Variants in VPS35 observed in about 807,000 individuals in gnomAD.
The protein encoded by VPS35 is vacuolar protein sorting-associated protein 35.
In VPS35, 21 loss-of-function variants were observed where a neutral mutation model predicts 98.1. The ratio of observed to expected loss-of-function variants is 0.21; its 90% CI spans 0.15 to 0.31. VPS35 has a LOEUF of 0.31. Among genes scored for constraint, VPS35 ranks in the 10% least tolerant of loss-of-function variants. VPS35 has a pLI of 1.00. For synonymous variants in VPS35, 268 were observed against 318.2 expected (o/e 0.84, Z 1.68); for missense variants, 554 against 950.8 (o/e 0.58, Z 5.49).
In VPS35 at chr16:46,676,014, G is replaced by A. The variant is rs1308970784; in HGVS notation, c.914+569C>T. Reference sequence around the variant, plus strand: ...TAGGAGTCAGAGGTTGCAGTGAGCCGAGACAGCGTCACTGCACTCTAGCTT... The same window carrying A: ...TAGGAGTCAGAGGTTGCAGTGAGCCAAGACAGCGTCACTGCACTCTAGCTT... On this transcript the variant is annotated intron_variant, in intron 8 of 16. Coordinates refer to ENST00000299138, the MANE Select transcript of VPS35 (RefSeq NM_018206.6). Among the ~76,000 whole-genome samples, 5 of 126,744 alleles carry A rather than the reference G, an allele frequency of 3.9e-5. No individual in the cohort carries two copies. The South Asian group carries it at 7.7e-4, about 20-fold the overall frequency. The allele number at this position is 126,744 out of a possible 152,430, so 83.1% of individuals were successfully genotyped here.
At chr16:46,668,903 T>G (rs779712913) in intron 13 of VPS35, 27 bp downstream of exon 13, 1 of 1,613,356 alleles carries the variant, frequency 6.2e-7, no homozygotes, top group African/African-American at 1.3e-5. Context: ...GGAAAAAAAG[T>G]ACCTAAATAC....
rs1375507245 is a variant in VPS35 at position 46,659,960 on chromosome 16, CT to C, written c.*511del. ...AATATATTCTAGTTTTAGGGAAAAT[CT>C]TACACATGGCCTTATCTTGCAATTT... On this transcript the variant is annotated 3_prime_UTR_variant, in exon 17 of 17. Coordinates refer to ENST00000299138, the MANE Select transcript of VPS35 (RefSeq NM_018206.6). The C allele has an allele frequency of 1.3e-5, 2 of 152,696 alleles. No homozygotes were observed. Among genetic ancestry groups the C allele is most frequent in the East Asian group, 3.8e-4 (2 of 5,202 alleles). 9.5% of individuals were successfully genotyped at this position (152,696 alleles called of 1,614,324 possible). A position where few individuals can be genotyped will look rare whatever the true frequency, so the allele number is the denominator to read the frequency against.
chr16:46,679,295 T>C, intron 5 of VPS35, 139 bp from the exon 6 acceptor site: 2 of 813,490 alleles, frequency 2.5e-6, no homozygotes, highest in South Asian at 3.3e-5. Context: ...ATTGGCTTAG[T>C]GTTAAATTTC....
intron 16 of VPS35, 169 bp from the exon 17 acceptor site, chr16:46,660,820 CAAAAAAA>C: frequency 5.9e-6 from 2 of 339,682 alleles, no homozygotes; most frequent in South Asian, 4.4e-5. Flanking sequence ...TACTGACTAT[CAAAAAAA>C]AAAAAAAAAA....
At position 46,679,693 on chromosome 16, in the gene VPS35, T is replaced by G. The variant is rs1239506295; in HGVS notation, c.507-537A>C. ...TTTGTGAGGGAAGAGACCATGGATT[T>G]CCTGCTTTATTTTTCTACGTCTCCT... is the stretch of plus-strand genomic sequence containing the variant. On this transcript the variant is annotated intron_variant, in intron 5 of 16. Coordinates refer to ENST00000299138, the MANE Select transcript of VPS35 (RefSeq NM_018206.6). Among the ~76,000 whole-genome samples the G allele has an allele frequency of 2.0e-5, 3 of 152,344 alleles. No individual in the cohort carries two copies. The East Asian group carries it at 5.8e-4, about 29-fold the overall frequency.
chr16:46,669,838 C>G (rs927316241), intron 12 of VPS35, among the ~76,000 whole-genome samples: 2 of 152,174 alleles, frequency 1.3e-5, no homozygotes, highest in African/African-American at 4.8e-5. Flanking sequence ...TTGGGAAGAT[C>G]AAGTGACACA....
At chr16:46,686,170 A>G (rs1009098540) in intron 1 of VPS35, among the ~76,000 whole-genome samples, 2 of 152,180 alleles carry the variant, frequency 1.3e-5, no homozygotes, top group Non-Finnish European at 2.9e-5. Flanking sequence ...TTCACTGACC[A>G]TAATATCTTC....
chr16:46,665,367 CAGG>C (rs1965972735), intron 13 of VPS35, among the ~76,000 whole-genome samples: 1 of 152,114 alleles, frequency 6.6e-6, no homozygotes, highest in Non-Finnish European at 1.5e-5. Flanking sequence ...GCCAAGGAGG[CAGG>C]AGGATCGCTT....
In VPS35 at chr16:46,656,185, A is replaced by G. The variant is rs1395774525; in HGVS notation, c.*4287T>C. 1 of 152,162 alleles carries G rather than the reference A, an allele frequency of 6.6e-6. No individual in the cohort carries two copies. The allele number at this position is 152,162 out of a possible 1,614,324, so 9.4% of individuals were successfully genotyped here. On this transcript the variant is annotated 3_prime_UTR_variant, in exon 17 of 17. Coordinates refer to ENST00000299138, the MANE Select transcript of VPS35 (RefSeq NM_018206.6). The stretch of plus-strand genomic sequence containing the variant: ...CATTTGCAAAACCATACTAGAAGAT[A>G]CGGCTCCTTTCCAATGCAACGTCTC...
chr16:46,662,583 T>C lies in VPS35; in HGVS notation c.1828-101A>G. On this transcript the variant is annotated intron_variant, in intron 14 of 16. Coordinates refer to ENST00000299138, the MANE Select transcript of VPS35 (RefSeq NM_018206.6). ...CCAAACCTCCATCCTGTGAGACTTC[T>C]GCAGCCTTCATATCAGAACATGCTG... 7 of 1,561,532 alleles carry C rather than the reference T, an allele frequency of 4.5e-6. No individual in the cohort carries two copies. The Admixed American group carries it at 1.2e-4, about 26-fold the overall frequency.
At chr16:46,668,100 C>A (rs1966014765) in intron 13 of VPS35, among the ~76,000 whole-genome samples, 1 of 152,106 alleles carries the variant, frequency 6.6e-6, no homozygotes, top group Non-Finnish European at 1.5e-5. Context: ...ACGAGAAAAT[C>A]AAGTCCATAC....
At chr16:46,676,531 A>C in intron 8 of VPS35, 52 bp downstream of exon 8, 1 of 1,141,022 alleles carries the variant, frequency 8.8e-7, no homozygotes. Flanking sequence ...AATGTTTAAA[A>C]TTCATTATTC....
At chr16:46,677,742 C>T (rs1966173035) in intron 6 of VPS35, 2 of 291,432 alleles carry the variant, frequency 6.9e-6, no homozygotes, top group Non-Finnish European at 1.3e-5. Context: ...CCCTATGTTG[C>T]CCAGGCCTGT....
intron 1 of VPS35, among the ~76,000 whole-genome samples, chr16:46,687,934 T>G (rs1055682770): frequency 1.3e-5 from 2 of 152,122 alleles, no homozygotes; most frequent in African/African-American, 4.8e-5. Flanking sequence ...AGAATCGGAG[T>G]GTGTAATACA....
intron 12 of VPS35, 69 bp from the exon 13 acceptor site, chr16:46,669,121 G>A: frequency 6.4e-7 from 1 of 1,574,386 alleles, no homozygotes; most frequent in Non-Finnish European, 8.7e-7. Flanking sequence ...ATAAATGTGG[G>A]CTCTAATCAT....
rs747417009 is a variant in VPS35 at position 46,660,487 on chromosome 16, T to C, written c.2376A>G (p.Glu792=). Residue 792 remains glutamate, a synonymous_variant, in exon 17 of 17, where the codon GAA becomes GAG. Coordinates refer to ENST00000299138, the MANE Select transcript of VPS35 (RefSeq NM_018206.6). The part of the protein sequence containing the change: ...ESPESEGPIY[E]GLIL ...TATTTCCTTTTTAAAGGATGAGACC[T>C]TCATAAATTGGCCCCTCGGATTCTG... 2 of 1,613,852 alleles carry C rather than the reference T, an allele frequency of 1.2e-6. No individual in the cohort carries two copies. Among genetic ancestry groups the C allele is most frequent in the East Asian group, 4.5e-5 (2 of 44,880 alleles).
chr16:46,681,622 G>A (rs1266198226), intron 3 of VPS35, 122 bp from the exon 4 acceptor site: 3 of 1,187,418 alleles, frequency 2.5e-6, no homozygotes, highest in Non-Finnish European at 3.6e-6. Flanking sequence ...TTAAGAAAGT[G>A]TTCAAGCGAA....
At position 46,668,205 on chromosome 16, in the gene VPS35, G is replaced by T. The variant is rs1344474986; in HGVS notation, c.1647+725C>A. Among the ~76,000 whole-genome samples the T allele has an allele frequency of 3.3e-5, 5 of 152,234 alleles. No homozygotes were observed. The East Asian group carries it at 9.7e-4, about 29-fold the overall frequency. On this transcript the variant is annotated intron_variant, in intron 13 of 16. Transcript: ENST00000299138. ...GAGGCCACAAGTTCGAGACCAACTGGTCAACATGGCAAGACCCTGTCTCTA... is the reference window on the plus strand; with the variant it reads ...GAGGCCACAAGTTCGAGACCAACTGTTCAACATGGCAAGACCCTGTCTCTA...
At chr16:46,685,921 T>C (rs575993537) in intron 1 of VPS35, among the ~76,000 whole-genome samples, 1 of 152,286 alleles carries the variant, frequency 6.6e-6, no homozygotes, top group South Asian at 2.1e-4. Context: ...GTACCTAAAA[T>C]TTACCATTTT....
Sources: gnomAD v4.1 joint callset for allele counts (sites outside exome capture counted in the v4.1 genomes callset) on GRCh38, gnomAD v4.1.1 for gene constraint, MANE v1.5 for transcripts, NCBI Gene and HGNC (gene_info 2026-07-23, HGNC 2026-07-21) for gene names.